Variants in FAM185A observed in about 807,000 individuals in gnomAD.
FAM185A encodes family with sequence similarity 185 member A.
Under a neutral mutation model 45.7 loss-of-function variants are expected in FAM185A, and 21 were observed. The observed-to-expected ratio is 0.46, with a 90% CI of 0.33 to 0.66. The LOEUF (loss-of-function observed/expected upper bound fraction) is 0.66, where lower values mean the gene tolerates loss of function less well. FAM185A is among the 30% of genes least tolerant of loss of function. FAM185A has a pLI of 0.03. For synonymous variants in FAM185A, 117 were observed against 194.0 expected (o/e 0.60, Z 3.30); for missense variants, 305 against 485.4 (o/e 0.63, Z 3.49).
the FAM185A span, among the ~76,000 whole-genome samples, chr7:102,833,508 C>T: frequency 6.6e-6 from 1 of 150,454 alleles, no homozygotes; most frequent in Non-Finnish European, 1.5e-5. Context: ...TCTGAGCTCA[C>T]TGCAACCTCT....
At chr7:102,782,862 G>C (rs1407086159) in intron 6 of FAM185A, among the ~76,000 whole-genome samples, 3 of 151,894 alleles carry the variant, frequency 2.0e-5, no homozygotes, top group African/African-American at 7.3e-5. Context: ...TGGCAAATTG[G>C]ATAAAGACTC....
chr7:102,769,675 T>C (rs1335250567), intron 4 of FAM185A, among the ~76,000 whole-genome samples: 1 of 152,194 alleles, frequency 6.6e-6, no homozygotes, highest in Non-Finnish European at 1.5e-5. Flanking sequence ...GACTGAGTGA[T>C]TTATAAAGCT....
chr7:102,767,101 T>A (rs1266313719), intron 4 of FAM185A, among the ~76,000 whole-genome samples: 3 of 151,648 alleles, frequency 2.0e-5, no homozygotes, highest in South Asian at 2.1e-4. Context: ...TGGCCACAAC[T>A]TTTTTATATG....
chr7:102,779,850 CTTTTTTTTTTT>C (rs10537618), intron 6 of FAM185A: 4 of 34,204 alleles, frequency 1.2e-4, no homozygotes, highest in Non-Finnish European at 2.0e-4. Flanking sequence ...CCACACCCAG[CTTTTTTTTTTT>C]TTTTTTTTTT....
chr7:102,776,702 TA>T (rs72022042), intron 5 of FAM185A, among the ~76,000 whole-genome samples: 2,690 of 97,026 alleles, frequency 0.028, 27 homozygotes, highest in Admixed American at 0.036. Flanking sequence ...ACCCTGTCTC[TA>T]AAAAAAAAAA....
intron 6 of FAM185A, chr7:102,779,646 AATCTCCT>A (rs1260706935): frequency 2.0e-5 from 3 of 152,038 alleles, no homozygotes. Flanking sequence ...TTGTTATGGG[AATCTCCT>A]GTCTGTAGTT....
At chr7:102,775,395 TAAAC>T (rs750325467) in intron 5 of FAM185A, among the ~76,000 whole-genome samples, 20 of 152,128 alleles carry the variant, frequency 1.3e-4, no homozygotes, top group Non-Finnish European at 2.1e-4. Context: ...TAATTTGTGT[TAAAC>T]AAAAAAAATA....
At chr7:102,774,397 T>G (rs567789600) in intron 5 of FAM185A, among the ~76,000 whole-genome samples, 1 of 152,164 alleles carries the variant, frequency 6.6e-6, no homozygotes, top group African/African-American at 2.4e-5. Flanking sequence ...TTTACCTCTT[T>G]CCCTCCTATC....
chr7:102,787,053 T>A (rs1438049625), intron 6 of FAM185A, among the ~76,000 whole-genome samples: 1 of 152,160 alleles, frequency 6.6e-6, no homozygotes, highest in African/African-American at 2.4e-5. Flanking sequence ...AATTACTCAC[T>A]TTCTGGTGTT....
the FAM185A span, among the ~76,000 whole-genome samples, chr7:102,848,457 G>A: frequency 2.1e-5 from 2 of 93,880 alleles, no homozygotes; most frequent in South Asian, 3.6e-4. Context: ...TCGGGAGGCT[G>A]AGGCAGGAGA....
chr7:102,813,397 G>T (rs1193266666), downstream of FAM185A: 8 of 1,613,868 alleles, frequency 5.0e-6, no homozygotes, highest in Admixed American at 3.3e-5. Flanking sequence ...TAATTCTAAG[G>T]CTCCTTTAGA....
intron 7 of FAM185A, among the ~76,000 whole-genome samples, chr7:102,792,364 G>A (rs1282831360): frequency 3.3e-5 from 4 of 121,994 alleles, no homozygotes; most frequent in African/African-American, 7.0e-5. Context: ...GTGTATTGGG[G>A]CTGCATTCTA....
At chr7:102,818,834 T>C in the FAM185A span, among the ~76,000 whole-genome samples, 1 of 152,224 alleles carries the variant, frequency 6.6e-6, no homozygotes, top group Non-Finnish European at 1.5e-5. Flanking sequence ...GTACAAGATG[T>C]ACAGGTTTGT....
rs540319110 is a variant in FAM185A at position 102,751,766 on chromosome 7, A to G, written c.526A>G (p.Thr176Ala). ...TGAGGGTGATAATTGCAAAATTGAA[A>G]CAGAGCATGGGACTAGTATCTTGCA... ...SIEGDNCKIETEHGTSILQSV... is the reference protein window; with the variant it reads ...SIEGDNCKIEAEHGTSILQSV... The change falls in exon 2 of 8, where the codon ACA (threonine) becomes GCA (alanine). Residue 176 changes from threonine to alanine, a missense_variant. By Grantham distance (58) the Thr-to-Ala change is moderately conservative. Coordinates refer to ENST00000413034, the MANE Select transcript of FAM185A (RefSeq NM_001145268.2). 1 of 1,551,564 alleles carries G rather than the reference A, an allele frequency of 6.4e-7. No individual in the cohort carries two copies. The highest frequency in any genetic ancestry group is 1.4e-5 in the African/African-American group (1 of 73,142).
chr7:102,783,058 A>G (rs1795511194), intron 6 of FAM185A, among the ~76,000 whole-genome samples: 1 of 152,076 alleles, frequency 6.6e-6, no homozygotes, highest in African/African-American at 2.4e-5. Context: ...AAAGAAGGCC[A>G]TTACATAATG....
At chr7:102,750,409 T>C (rs1315257925) in intron 1 of FAM185A, among the ~76,000 whole-genome samples, 3 of 152,194 alleles carry the variant, frequency 2.0e-5, no homozygotes, top group South Asian at 4.1e-4. Context: ...TTATAATGCT[T>C]AGAGTTGCCC....
intron 1 of FAM185A, among the ~76,000 whole-genome samples, chr7:102,750,582 C>T (rs993984183): frequency 9.2e-5 from 14 of 151,960 alleles, no homozygotes; most frequent in Non-Finnish European, 1.8e-4. Context: ...TATTATTGTT[C>T]ATCTCTTACT....
At chr7:102,780,557 CACA>C (rs888196720) in intron 6 of FAM185A, among the ~76,000 whole-genome samples, 2 of 152,092 alleles carry the variant, frequency 1.3e-5, no homozygotes, top group African/African-American at 4.8e-5. Flanking sequence ...ACACACAAGG[CACA>C]TCTGAAAGCA....
chr7:102,807,255 G>A (rs977317644), intron 7 of FAM185A, among the ~76,000 whole-genome samples: 12 of 152,164 alleles, frequency 7.9e-5, no homozygotes, highest in Admixed American at 7.2e-4. Context: ...AGAAATTTTT[G>A]GGAGTGATGA....
Sources: gnomAD v4.1 joint callset for allele counts (sites outside exome capture counted in the v4.1 genomes callset) on GRCh38, gnomAD v4.1.1 for gene constraint, MANE v1.5 for transcripts, NCBI Gene and HGNC (gene_info 2026-07-23, HGNC 2026-07-21) for gene names.